RBMS3: variants seen among roughly 807,000 people sequenced by gnomAD.
RBMS3 encodes the protein RNA binding motif single stranded interacting protein 3, also known as RNA-binding motif, single-stranded-interacting protein 3.
Under a neutral mutation model 66.8 loss-of-function variants are expected in RBMS3, and 27 were observed. The ratio of observed to expected loss-of-function variants is 0.40; its 90% CI spans 0.30 to 0.56. The LOEUF is 0.56. RBMS3 is among the 20% of genes least tolerant of loss of function. RBMS3 has a pLI of 0.40. For missense variants in RBMS3, 513 were observed against 549.5 expected, an observed-to-expected ratio of 0.93 and a Z score of 0.66; for synonymous variants, 188 against 183.0, an observed-to-expected ratio of 1.03 and a Z score of -0.22.
At chr3:29,693,790 T>A (rs1007824943) in intron 4 of RBMS3, among the ~76,000 whole-genome samples, 4 of 152,210 alleles carry the variant, frequency 2.6e-5, no homozygotes, top group African/African-American at 9.7e-5. Context: ...TAATTTCAGA[T>A]TGATTTTTGT....
rs568125687 is a variant in RBMS3 at position 29,749,689 on chromosome 3, C to T, written c.557+9812C>T. 5.3e-5 allele frequency among the ~76,000 whole-genome samples: 8 copies of T among 152,242 alleles called. No individual in the cohort carries two copies. In the South Asian group the frequency reaches 1.5e-3, roughly 28 times the overall value. Reference sequence around the variant, plus strand: ...TCTTTACTTATCATAAGGTCAGGAACCTTGTAAGAGAACCATGTAAAAATG... The same window carrying T: ...TCTTTACTTATCATAAGGTCAGGAATCTTGTAAGAGAACCATGTAAAAATG... On this transcript the variant is annotated intron_variant, in intron 5 of 14. Coordinates refer to ENST00000383767, the MANE Select transcript of RBMS3 (RefSeq NM_001003793.3).
chr3:29,940,065 C>T (rs2061354192), intron 11 of RBMS3, among the ~76,000 whole-genome samples: 1 of 151,864 alleles, frequency 6.6e-6, no homozygotes, highest in African/African-American at 2.4e-5. Context: ...CCCTTTCCTT[C>T]TCCCTCACCA....
intron 4 of RBMS3, among the ~76,000 whole-genome samples, chr3:29,628,331 G>A (rs796136645): frequency 3.9e-5 from 6 of 152,296 alleles, no homozygotes; most frequent in African/African-American, 1.4e-4. Flanking sequence ...GATAAAGGGA[G>A]GGATAGAGGC....
intron 5 of RBMS3, among the ~76,000 whole-genome samples, chr3:29,750,849 T>TC (rs2055144353): frequency 6.6e-6 from 1 of 152,192 alleles, no homozygotes; most frequent in Non-Finnish European, 1.5e-5. Context: ...CAGGGGTTTC[T>TC]CCTTTATGTC....
At chr3:29,443,260 A>G (rs1052164514) in intron 2 of RBMS3, among the ~76,000 whole-genome samples, 10 of 152,066 alleles carry the variant, frequency 6.6e-5, no homozygotes, top group African/African-American at 1.4e-4. Flanking sequence ...ATGATACCCA[A>G]TAGCTCGTCT....
At chr3:29,315,299 C>A (rs1448540544) in intron 1 of RBMS3, among the ~76,000 whole-genome samples, 1 of 151,420 alleles carries the variant, frequency 6.6e-6, no homozygotes, top group African/African-American at 2.4e-5. Flanking sequence ...TTGAAAAAAA[C>A]CCAAAAATAT....
At chr3:29,575,396 T>A (rs1178669272) in intron 3 of RBMS3, among the ~76,000 whole-genome samples, 2 of 152,092 alleles carry the variant, frequency 1.3e-5, no homozygotes, top group African/African-American at 4.8e-5. Flanking sequence ...TTGTATGTTG[T>A]CTTTTTTTCC....
chr3:29,602,828 G>A (rs9855563), intron 4 of RBMS3, among the ~76,000 whole-genome samples: 22,185 of 151,804 alleles, frequency 0.15, 1,857 homozygotes, highest in East Asian at 0.32. Context: ...CCTATTGCTT[G>A]CATTCATTGA....
chr3:29,706,383 T>A lies in RBMS3; in HGVS notation c.400-33337T>A, dbSNP rs183857887. Among the ~76,000 whole-genome samples the A allele has an allele frequency of 6.6e-5, 10 of 152,310 alleles. No individual in the cohort carries two copies. In the East Asian group the frequency reaches 1.7e-3, roughly 26 times the overall value. On this transcript the variant is annotated intron_variant, in intron 4 of 14. Transcript: ENST00000383767. ...TGCTATGCAAGGAGGGCTATGATAT[T>A]GTCATGATGTCAATCCAAAGTGACA...
At chr3:29,994,558 T>C (rs1287858617) in intron 14 of RBMS3, among the ~76,000 whole-genome samples, 2 of 152,216 alleles carry the variant, frequency 1.3e-5, no homozygotes, top group Non-Finnish European at 2.9e-5. Context: ...GAGCAGTGGT[T>C]CTCCCAGCAC....
chr3:29,851,168 T>A (rs1228915535), intron 6 of RBMS3, among the ~76,000 whole-genome samples: 5 of 152,216 alleles, frequency 3.3e-5, no homozygotes, highest in African/African-American at 1.2e-4. Context: ...TGTTTACTTG[T>A]CTTTTGGCTG....
intron 4 of RBMS3, among the ~76,000 whole-genome samples, chr3:29,707,588 G>A (rs2052962938): frequency 6.6e-6 from 1 of 152,176 alleles, no homozygotes; most frequent in African/African-American, 2.4e-5. Flanking sequence ...CAAAAAAGCT[G>A]ACAGTTTTTC....
At chr3:29,852,375 C>A (rs542410385) in intron 6 of RBMS3, among the ~76,000 whole-genome samples, 3 of 152,166 alleles carry the variant, frequency 2.0e-5, no homozygotes, top group Non-Finnish European at 4.4e-5. Context: ...AGTAAACAGA[C>A]AACCTACAGA....
chr3:29,415,894 C>T (rs755871822), intron 1 of RBMS3, among the ~76,000 whole-genome samples: 3 of 151,856 alleles, frequency 2.0e-5, no homozygotes, highest in Non-Finnish European at 4.4e-5. Flanking sequence ...ATTTTCATGC[C>T]ATGATATAAC....
chr3:29,373,194 T>A (rs750223836), intron 1 of RBMS3, among the ~76,000 whole-genome samples: 1 of 152,204 alleles, frequency 6.6e-6, no homozygotes, highest in Non-Finnish European at 1.5e-5. Flanking sequence ...TAATCTTGAA[T>A]TCCTTCTGTC....
intron 3 of RBMS3, among the ~76,000 whole-genome samples, chr3:29,567,660 G>A (rs890441355): frequency 4.0e-5 from 6 of 151,456 alleles, no homozygotes; most frequent in African/African-American, 1.5e-4. Flanking sequence ...AACTGCCCCT[G>A]TTGGGTTGTT....
intron 2 of RBMS3, among the ~76,000 whole-genome samples, chr3:29,484,655 G>T (rs942828843): frequency 6.6e-6 from 1 of 152,106 alleles, no homozygotes; most frequent in African/African-American, 2.4e-5. Flanking sequence ...TAAAACTTCA[G>T]AATATAAATG....
intron 3 of RBMS3, among the ~76,000 whole-genome samples, chr3:29,539,742 G>A (rs1286018129): frequency 1.3e-5 from 2 of 152,152 alleles, no homozygotes; most frequent in African/African-American, 4.8e-5. Context: ...AGTTATTAAA[G>A]ACTGACAAGA....
At chr3:29,798,050 G>C (rs1050278803) in intron 6 of RBMS3, among the ~76,000 whole-genome samples, 3 of 151,742 alleles carry the variant, frequency 2.0e-5, no homozygotes, top group Non-Finnish European at 2.9e-5. Context: ...GGAACATCTG[G>C]CCAGGAAAAG....
Sources: allele counts gnomAD v4.1 joint callset (sites outside exome capture counted in the v4.1 genomes callset), GRCh38; gene constraint gnomAD v4.1.1; transcripts MANE v1.5; gene names NCBI Gene and HGNC (gene_info 2026-07-23, HGNC 2026-07-21).